PPP2R5C: variants seen among roughly 807,000 people sequenced by gnomAD.
PPP2R5C encodes the protein protein phosphatase 2 regulatory subunit B'gamma, also known as serine/threonine-protein phosphatase 2A 56 kDa regulatory subunit gamma isoform.
A neutral mutation model predicts 68.9 loss-of-function variants in PPP2R5C; 7 were observed. The observed-to-expected ratio is 0.10, with a 90% confidence interval of 0.06 to 0.19. The LOEUF (loss-of-function observed/expected upper bound fraction) is 0.19. PPP2R5C is among the 10% of genes least tolerant of loss of function. PPP2R5C has a pLI of 1.00. For synonymous variants in PPP2R5C, 210 were observed against 222.2 expected (o/e 0.95, Z 0.49); for missense variants, 348 against 641.3 (o/e 0.54, Z 4.94).
intron 13 of PPP2R5C, among the ~76,000 whole-genome samples, chr14:101,918,552 A>C (rs1268071389): frequency 6.7e-4 from 2 of 2,976 alleles, no homozygotes; most frequent in Admixed American, 3.6e-3. Context: ...TCGCCCCCCC[A>C]CCCCTCCCCC....
intron 2 of PPP2R5C, chr14:101,765,106 G>A (rs2036782343): frequency 1.4e-6 from 1 of 701,414 alleles, no homozygotes; most frequent in Non-Finnish European, 2.6e-6. Flanking sequence ...GGTGTGGCCT[G>A]CAGTGCCTGA....
At position 101,917,125 on chromosome 14, in the gene PPP2R5C, C is replaced by T. The variant is rs954248993; in HGVS notation, c.1327-706C>T. ...ACAGCCACCCTCCGGGGTGACCTTA[C>T]CCCCGCACTACACTCATGGAAATGG... On this transcript the variant is annotated intron_variant, in intron 12 of 13. Transcript: ENST00000334743. This position sits in a 1 kb window ranked among gnomAD's most constrained non-coding sequence, Gnocchi z 4.4. Among the ~76,000 whole-genome samples, 2 of 150,412 alleles carry T rather than the reference C, an allele frequency of 1.3e-5. No homozygotes were observed. The highest frequency in any genetic ancestry group is 3.0e-5 in the Non-Finnish European group (2 of 66,822).
intron 1 of PPP2R5C, chr14:101,844,146 T>G (rs1046300995): frequency 4.7e-5 from 7 of 148,180 alleles, no homozygotes; most frequent in Non-Finnish European, 9.0e-5. Flanking sequence ...TTTTTTGTTT[T>G]TTTTTTTTTT....
chr14:101,866,392 G>A (rs569062635), intron 2 of PPP2R5C, among the ~76,000 whole-genome samples: 7 of 152,330 alleles, frequency 4.6e-5, no homozygotes, highest in Admixed American at 1.3e-4. Flanking sequence ...TACAGAGTAC[G>A]GTGACCCAGC....
At chr14:101,796,849 T>A (rs1371156829) in intron 3 of PPP2R5C, 2 of 262,892 alleles carry the variant, frequency 7.6e-6, no homozygotes, top group Non-Finnish European at 7.6e-6. Context: ...CCCTGCTGCC[T>A]CTGCTCCTCA....
At chr14:101,883,169 T>C (rs1459878293) in intron 3 of PPP2R5C, 88 bp from the exon 6 acceptor site, 2 of 915,538 alleles carry the variant, frequency 2.2e-6, no homozygotes, top group South Asian at 3.6e-5. Context: ...AATATTTGCA[T>C]ACCAATAAAG....
intron 2 of PPP2R5C, among the ~76,000 whole-genome samples, chr14:101,769,269 C>T (rs1330737371): frequency 6.6e-6 from 1 of 152,238 alleles, no homozygotes. Flanking sequence ...GTATGCAGTT[C>T]TGTGTCATGT....
chr14:101,925,098 A>G, intron 13 of PPP2R5C, 43 bp from the exon 16 acceptor site: 1 of 1,601,460 alleles, frequency 6.2e-7, no homozygotes, highest in South Asian at 1.1e-5. Flanking sequence ...TGCTTTTCAG[A>G]TAGCTTAGTT....
At chr14:101,831,927 T>TAC in intron 1 of PPP2R5C, 1 of 557,028 alleles carries the variant, frequency 1.8e-6, no homozygotes, top group Non-Finnish European at 3.3e-6. Flanking sequence ...AATATTATGA[T>TAC]ACAGCTTTGA....
intron 1 of PPP2R5C, among the ~76,000 whole-genome samples, chr14:101,823,361 C>G (rs889438398): frequency 6.6e-6 from 1 of 152,098 alleles, no homozygotes; most frequent in Non-Finnish European, 1.5e-5. Context: ...TTGTATTATC[C>G]GGTATTCCAA....
At chr14:101,830,812 G>C (rs978837965) in intron 1 of PPP2R5C, among the ~76,000 whole-genome samples, 1 of 152,100 alleles carries the variant, frequency 6.6e-6, no homozygotes, top group Admixed American at 6.5e-5. Flanking sequence ...GCCAGCCCTC[G>C]GGGAGCTTGC....
chr14:101,808,727 G>A (rs2140175406), upstream of PPP2R5C, among the ~76,000 whole-genome samples: 1 of 152,304 alleles, frequency 6.6e-6, no homozygotes, highest in Non-Finnish European at 1.5e-5. Flanking sequence ...GGAATTGTGT[G>A]AGAAACTATT....
At chr14:101,919,126 A>G (rs1156619657) in intron 13 of PPP2R5C, among the ~76,000 whole-genome samples, 4 of 152,266 alleles carry the variant, frequency 2.6e-5, no homozygotes, top group Non-Finnish European at 5.9e-5. Flanking sequence ...CTGACGCCAT[A>G]TCCCCGGCTC....
chr14:101,855,130 A>G (rs2042347744), intron 1 of PPP2R5C, among the ~76,000 whole-genome samples: 1 of 152,264 alleles, frequency 6.6e-6, no homozygotes, highest in South Asian at 2.1e-4. Flanking sequence ...AGATCACACC[A>G]GTGCATTCCA....
chr14:101,917,907 T>G lies in PPP2R5C; in HGVS notation c.1403T>G (p.Val468Gly), dbSNP rs1451747243. 1 of 1,613,874 alleles carries G rather than the reference T, an allele frequency of 6.2e-7. No homozygotes were observed. The highest frequency in any genetic ancestry group is 8.5e-7 in the Non-Finnish European group (1 of 1,179,844). ...ACAGATGGGCCTTTATTTGAAGATGTGCAGATGCTGAGAAAGACAGTGAAG... is the reference window on the plus strand; with the variant it reads ...ACAGATGGGCCTTTATTTGAAGATGGGCAGATGCTGAGAAAGACAGTGAAG... The change falls in exon 13 of 14, where the codon GTG (valine) becomes GGG (glycine). Residue 468 changes from valine to glycine, a missense_variant. Physicochemically the swap from Val to Gly is moderately radical, Grantham distance 109 (BLOSUM62 -3). This residue lies in a region of PPP2R5C where 118 missense variants were observed against 108.9 expected (regional missense o/e 1.08). Coordinates refer to ENST00000334743, the Ensembl canonical transcript of PPP2R5C. The surrounding 1 kb of genome is among the most constrained non-coding windows in gnomAD (Gnocchi z 4.4).
chr14:101,785,673 C>T (rs1376858761), intron 2 of PPP2R5C, among the ~76,000 whole-genome samples: 1 of 152,228 alleles, frequency 6.6e-6, no homozygotes, highest in Non-Finnish European at 1.5e-5. Flanking sequence ...TGCAGAGTCC[C>T]TGTCGCCAAG....
upstream of PPP2R5C, chr14:101,761,701 CCGCCGCCGCCGCCGT>C: frequency 2.7e-6 from 1 of 373,862 alleles, no homozygotes; most frequent in Non-Finnish European, 3.6e-6. Flanking sequence ...GCCGCCGCCG[CCGCCGCCGCCGCCGT>C]GGCTGCCGCA....
intron 1 of PPP2R5C, among the ~76,000 whole-genome samples, chr14:101,848,517 A>C (rs1463140876): frequency 6.6e-6 from 1 of 151,918 alleles, no homozygotes; most frequent in African/African-American, 2.4e-5. Flanking sequence ...CAGCCTGGGC[A>C]ACAGAGCGAG....
intron 2 of PPP2R5C, among the ~76,000 whole-genome samples, chr14:101,869,401 A>T (rs2043258574): frequency 6.6e-6 from 1 of 152,160 alleles, no homozygotes; most frequent in Admixed American, 6.5e-5. Context: ...ATACTTACAT[A>T]CCGATTTTAG....
Sources: allele counts gnomAD v4.1 joint callset (sites outside exome capture counted in the v4.1 genomes callset), GRCh38; gene constraint gnomAD v4.1.1; regional missense constraint gnomAD v4.1.1; non-coding constraint Gnocchi (gnomAD v3.1); transcripts MANE v1.5; gene names NCBI Gene and HGNC (gene_info 2026-07-23, HGNC 2026-07-21).